GABBR2: variants seen among roughly 807,000 people sequenced by gnomAD.
GABBR2 encodes G-protein coupled receptor 51.
GABBR2 carries 23 observed loss-of-function variants against 105.6 expected under a neutral mutation model. The ratio of observed to expected loss-of-function variants is 0.22; its 90% CI spans 0.16 to 0.31. The LOEUF (loss-of-function observed/expected upper bound fraction) is 0.31. Among genes scored for constraint, GABBR2 ranks in the 10% least tolerant of loss-of-function variants. The probability of loss-of-function intolerance (pLI) is 1.00; values close to 1 mark genes in which losing one functional copy is unlikely to be tolerated. For missense variants in GABBR2, 734 were observed against 1,245.5 expected (o/e 0.59, Z 6.18); for synonymous variants, 478 against 499.7 (o/e 0.96, Z 0.58).
At chr9:98,445,860 T>A (rs1298139913) in intron 7 of GABBR2, among the ~76,000 whole-genome samples, 2 of 152,238 alleles carry the variant, frequency 1.3e-5, no homozygotes, top group East Asian at 3.8e-4. Context: ...TCAGGAGATC[T>A]GGGTGGGACA....
At chr9:98,502,490 G>T (rs1008249720) in intron 3 of GABBR2, among the ~76,000 whole-genome samples, 4 of 152,194 alleles carry the variant, frequency 2.6e-5, no homozygotes, top group Non-Finnish European at 5.9e-5. Context: ...CACCGCTTCA[G>T]TGTGTGGGCC....
chr9:98,612,852 T>G (rs111920719), intron 1 of GABBR2, among the ~76,000 whole-genome samples: 7 of 152,058 alleles, frequency 4.6e-5, no homozygotes, highest in Non-Finnish European at 1.0e-4. Context: ...CACGCCCAAG[T>G]AAAGGCGGGG....
At chr9:98,430,205 G>A (rs550030606) in intron 7 of GABBR2, among the ~76,000 whole-genome samples, 17 of 149,748 alleles carry the variant, frequency 1.1e-4, no homozygotes, top group African/African-American at 3.4e-4. Context: ...CAGGGGAATC[G>A]CTTGAACCCG....
rs1309000004 is a variant in GABBR2 at position 98,454,180 on chromosome 9, C to T, written c.1037G>A (p.Arg346Gln). The T allele has an allele frequency of 3.7e-6, 6 of 1,613,992 alleles. No individual in the cohort carries two copies. Among genetic ancestry groups the T allele is most frequent in the Non-Finnish European group, 3.4e-6 (4 of 1,179,884 alleles). Residue 346 changes from arginine (R) to glutamine (Q), a missense_variant, in exon 7 of 19, where the codon CGG (arginine) becomes CAG (glutamine). Physicochemically the swap from Arg to Gln is conservative, Grantham distance 43. Transcript: ENST00000259455. This position sits in a 1 kb window ranked among gnomAD's most constrained non-coding sequence, Gnocchi z 4.6. ...GAACTTGCTGGGCCCCACGCCTGAC[C>T]GCTTGTTGTTGTACTCTCTCTCATA... ...QQYEREYNNK[R>Q]SGVGPSKFHG...
At chr9:98,311,631 T>C (rs1043028574) in intron 13 of GABBR2, among the ~76,000 whole-genome samples, 2 of 152,208 alleles carry the variant, frequency 1.3e-5, no homozygotes, top group African/African-American at 4.8e-5. Context: ...AGATATAGGA[T>C]ATACTGGCCT....
intron 1 of GABBR2, among the ~76,000 whole-genome samples, chr9:98,614,394 C>T (rs1339799858): frequency 6.6e-6 from 1 of 152,046 alleles, no homozygotes; most frequent in Non-Finnish European, 1.5e-5. Context: ...CATTGTGGTG[C>T]ACGCCTGTAA....
intron 1 of GABBR2, among the ~76,000 whole-genome samples, chr9:98,610,372 G>A (rs527413996): frequency 1.3e-5 from 2 of 152,306 alleles, no homozygotes; most frequent in Non-Finnish European, 2.9e-5. Flanking sequence ...CACTTCTATA[G>A]TCAGGTCCTT....
chr9:98,317,660 C>T (rs2043504), intron 13 of GABBR2, among the ~76,000 whole-genome samples: 102,978 of 152,112 alleles, frequency 0.68, 35,110 homozygotes, highest in African/African-American at 0.75. Context: ...CTGTATTTGT[C>T]CTACATTCAT....
chr9:98,620,960 T>C (rs1829661910), intron 1 of GABBR2, among the ~76,000 whole-genome samples: 1 of 152,130 alleles, frequency 6.6e-6, no homozygotes, highest in African/African-American at 2.4e-5. Context: ...GAATTAAACA[T>C]GTGAAACACT....
rs75065323 is a variant in GABBR2, at chr9:98,691,678, T to G, written c.321+16739A>C. The stretch of plus-strand genomic sequence containing the variant: ...ACAGTGTCTCTTGCGGTCAGTCACC[T>G]ATGTGCTGGCCACATCTGAATGGCT... On this transcript the variant is annotated intron_variant, in intron 1 of 18. Coordinates refer to ENST00000259455, the MANE Select transcript of GABBR2 (RefSeq NM_005458.8). Among the ~76,000 whole-genome samples the G allele has an allele frequency of 2.6e-3, 389 of 152,326 alleles. 1 individual carries two copies. The highest frequency in any genetic ancestry group is 9.1e-3 in the African/African-American group (377 of 41,580).
chr9:98,706,004 A>T (rs1286001727), intron 1 of GABBR2, among the ~76,000 whole-genome samples: 1 of 151,468 alleles, frequency 6.6e-6, no homozygotes, highest in African/African-American at 2.4e-5. Flanking sequence ...TGACCCTGGG[A>T]GGTGGAGGTT....
At chr9:98,301,360 C>A (rs1479106881) in intron 16 of GABBR2, among the ~76,000 whole-genome samples, 2 of 152,314 alleles carry the variant, frequency 1.3e-5, no homozygotes, top group Admixed American at 1.3e-4. Context: ...GTGGGGAAAA[C>A]CCCACACACA....
chr9:98,486,987 A>G (rs1044988254), intron 4 of GABBR2, among the ~76,000 whole-genome samples: 1 of 152,198 alleles, frequency 6.6e-6, no homozygotes, highest in Admixed American at 6.5e-5. Context: ...CTCTGTCCGT[A>G]AAGGCAGTGA....
chr9:98,667,707 G>A (rs1830354216), intron 1 of GABBR2, among the ~76,000 whole-genome samples: 1 of 152,188 alleles, frequency 6.6e-6, no homozygotes, highest in African/African-American at 2.4e-5. Flanking sequence ...GTACTGTTGT[G>A]GAGAATAGCC....
intron 11 of GABBR2, among the ~76,000 whole-genome samples, chr9:98,381,857 G>A (rs950727093): frequency 2.0e-5 from 3 of 152,134 alleles, no homozygotes; most frequent in Admixed American, 6.5e-5. Context: ...ACAAATGAGC[G>A]TGACTCCCAG....
chr9:98,568,679 C>T (rs1828784145), intron 2 of GABBR2, among the ~76,000 whole-genome samples: 1 of 152,182 alleles, frequency 6.6e-6, no homozygotes. Flanking sequence ...CAGTGGCCTT[C>T]AGCTGCCCCA....
intron 18 of GABBR2, among the ~76,000 whole-genome samples, chr9:98,291,394 G>A (rs749932223): frequency 1.3e-5 from 2 of 152,138 alleles, no homozygotes; most frequent in Non-Finnish European, 1.5e-5. Context: ...CAGATAGTTC[G>A]CATTCTCTAC....
At chr9:98,550,407 G>A (rs948967177) in intron 2 of GABBR2, among the ~76,000 whole-genome samples, 3 of 152,262 alleles carry the variant, frequency 2.0e-5, no homozygotes, top group African/African-American at 2.4e-5. Flanking sequence ...TTAAAATGGC[G>A]AATTTTATCT....
chr9:98,507,217 T>C (rs61063002), intron 3 of GABBR2, among the ~76,000 whole-genome samples: 1,832 of 152,284 alleles, frequency 0.012, 61 homozygotes, highest in East Asian at 0.073. Flanking sequence ...TGTTACCTTA[T>C]GTGGCAAAGG....
Sources: allele counts gnomAD v4.1 joint callset (sites outside exome capture counted in the v4.1 genomes callset), GRCh38; gene constraint gnomAD v4.1.1; non-coding constraint Gnocchi (gnomAD v3.1); transcripts MANE v1.5; gene names NCBI Gene and HGNC (gene_info 2026-07-23, HGNC 2026-07-21).